Variants in PNPLA8 observed in about 807,000 individuals in gnomAD.
The protein encoded by PNPLA8 is patatin like domain 8, phospholipase A2.
PNPLA8 carries 39 observed loss-of-function variants against 76.9 expected under a neutral mutation model. That is an observed-to-expected ratio of 0.51 (90% confidence interval 0.39 to 0.66). The LOEUF (loss-of-function observed/expected upper bound fraction) is 0.66. Among genes scored for constraint, PNPLA8 ranks in the 30% least tolerant of loss-of-function variants. PNPLA8 has a pLI of 0.00. For synonymous variants in PNPLA8, 301 were observed against 307.9 expected (o/e 0.98, Z 0.24); for missense variants, 887 against 918.0 (o/e 0.97, Z 0.44).
intron 5 of PNPLA8, among the ~76,000 whole-genome samples, chr7:108,498,832 T>TA (rs971756797): frequency 3.9e-5 from 6 of 151,934 alleles, no homozygotes; most frequent in African/African-American, 7.3e-5. Context: ...AGTGGGAGAA[T>TA]AAAAAAACGA....
chr7:108,509,872 T>C (rs1477044692), intron 4 of PNPLA8, among the ~76,000 whole-genome samples: 4 of 145,130 alleles, frequency 2.8e-5, no homozygotes, highest in Admixed American at 6.9e-5. Context: ...TTCATGTCCT[T>C]TGTAGGGACA....
chr7:108,497,615 T>C (rs1041943179), intron 5 of PNPLA8, 38 bp from the exon 6 acceptor site: 2 of 1,231,196 alleles, frequency 1.6e-6, no homozygotes, highest in African/African-American at 3.1e-5. Context: ...CAATTCCTGT[T>C]TAAAGAAAAA....
At chr7:108,518,720 AATATATATATAT>A (rs148834592) in intron 2 of PNPLA8, among the ~76,000 whole-genome samples, 4,774 of 123,932 alleles carry the variant, frequency 0.039, 178 homozygotes, top group African/African-American at 0.076. Flanking sequence ...TATGCACATG[AATATATATATAT>A]ATATATATAT....
chr7:108,486,296 A>C (rs1268414582), intron 9 of PNPLA8, among the ~76,000 whole-genome samples: 1 of 152,134 alleles, frequency 6.6e-6, no homozygotes, highest in Non-Finnish European at 1.5e-5. Flanking sequence ...TAACTTAAAA[A>C]TTCTATTATA....
intron 7 of PNPLA8, among the ~76,000 whole-genome samples, chr7:108,495,003 T>C (rs1861453905): frequency 6.6e-6 from 1 of 152,166 alleles, no homozygotes; most frequent in Non-Finnish European, 1.5e-5. Flanking sequence ...GTGATACAAA[T>C]TGAAACATGA....
At chr7:108,483,127 T>C (rs896739425) in intron 9 of PNPLA8, among the ~76,000 whole-genome samples, 1 of 152,236 alleles carries the variant, frequency 6.6e-6, no homozygotes, top group East Asian at 1.9e-4. Flanking sequence ...CAAATAATAC[T>C]CTGGTTGGAT....
chr7:108,518,746 T>TAC (rs1563990129), intron 2 of PNPLA8, among the ~76,000 whole-genome samples: 2 of 65,582 alleles, frequency 3.0e-5, no homozygotes, highest in Non-Finnish European at 8.3e-5. Context: ...TATATATATA[T>TAC]ATATATATAT....
intron 7 of PNPLA8, among the ~76,000 whole-genome samples, chr7:108,494,998 A>G (rs1861453263): frequency 6.6e-6 from 1 of 152,238 alleles, no homozygotes; most frequent in Non-Finnish European, 1.5e-5. Context: ...TGAAAGTGAT[A>G]CAAATTGAAA....
intron 2 of PNPLA8, among the ~76,000 whole-genome samples, chr7:108,520,184 G>C (rs560124431): frequency 6.6e-6 from 1 of 152,130 alleles, no homozygotes; most frequent in African/African-American, 2.4e-5. Context: ...TCAGCAAACC[G>C]GCAGAGGTGG....
intron 4 of PNPLA8, among the ~76,000 whole-genome samples, chr7:108,512,300 A>G (rs950263342): frequency 6.6e-6 from 1 of 152,164 alleles, no homozygotes; most frequent in Non-Finnish European, 1.5e-5. Flanking sequence ...GGTAAAATAT[A>G]TTATTTTTAT....
chr7:108,505,330 ATATATATATATATATATATATATTTTT>A (rs1563967705), intron 4 of PNPLA8, among the ~76,000 whole-genome samples: 11 of 5,222 alleles, frequency 2.1e-3, no homozygotes, highest in African/African-American at 0.011. Context: ...ATATATATAT[ATATATATATATATATATATATATTTTT>A]TTTTTTTTTT....
chr7:108,479,040 C>T (rs187854892), intron 10 of PNPLA8, 144 bp downstream of exon 10: 52 of 587,710 alleles, frequency 8.8e-5, no homozygotes, highest in African/African-American at 8.6e-4. Context: ...GAAAGGAAAA[C>T]AACAAAATGT....
chr7:108,513,752 T>G (rs71568529), intron 4 of PNPLA8, among the ~76,000 whole-genome samples: 15,388 of 152,072 alleles, frequency 0.1, 812 homozygotes, highest in Non-Finnish European at 0.11. Context: ...TTTTTAGACT[T>G]TCAAATACGA....
chr7:108,524,635 G>T (rs1863956258), intron 1 of PNPLA8, among the ~76,000 whole-genome samples: 1 of 152,142 alleles, frequency 6.6e-6, no homozygotes, highest in Non-Finnish European at 1.5e-5. Context: ...GAGCAGCCTG[G>T]CCAACATGGG....
At chr7:108,515,996 T>C (rs1194215182) in intron 2 of PNPLA8, among the ~76,000 whole-genome samples, 1 of 152,224 alleles carries the variant, frequency 6.6e-6, no homozygotes, top group African/African-American at 2.4e-5. Context: ...AAACGATTTA[T>C]AGAATACTTA....
At chr7:108,518,611 T>C (rs1467200826) in intron 2 of PNPLA8, among the ~76,000 whole-genome samples, 1 of 151,608 alleles carries the variant, frequency 6.6e-6, no homozygotes, top group Non-Finnish European at 1.5e-5. Flanking sequence ...AGGGGGTATA[T>C]GGAAACGTCT....
intron 4 of PNPLA8, among the ~76,000 whole-genome samples, chr7:108,505,319 TATATATATATATATATATATATATATATA>T (rs2154516092): frequency 2.8e-4 from 1 of 3,620 alleles, no homozygotes; most frequent in South Asian, 0.013. Context: ...TATATATATA[TATATATATATATATATATATATATATATA>T]TATATTTTTT....
In PNPLA8 at chr7:108,471,771, T is replaced by C. The variant is rs1424223692; in HGVS notation, c.*630A>G. 1 of 152,210 alleles carries C rather than the reference T, an allele frequency of 6.6e-6. No homozygotes were observed. Among genetic ancestry groups the C allele is most frequent in the East Asian group, 1.9e-4 (1 of 5,206 alleles). The allele number at this position is 152,210 out of a possible 1,614,324, so 9.4% of individuals were successfully genotyped here. A position where few individuals can be genotyped will look rare whatever the true frequency, so the allele number is the denominator to read the frequency against. On this transcript the variant is annotated 3_prime_UTR_variant, in exon 11 of 11. Transcript: ENST00000257694. ...TGAAATTTCAGGGGTAAAAAGTGGT[T>C]GACTGGAACTTCACCTTTTTTAACC...
chr7:108,502,723 A>G lies in PNPLA8; in HGVS notation c.1207-81T>C, dbSNP rs111827537. ...ATGATTATTATTAACCAATACATGC[A>G]GTTCACCACATGACAACCAAGGTGA... On this transcript the variant is annotated intron_variant, in intron 4 of 10. Coordinates refer to ENST00000257694, the MANE Select transcript of PNPLA8 (RefSeq NM_001256007.3). The G allele has an allele frequency of 4.1e-4, 375 of 924,364 alleles. 1 individual carries two copies. In the African/African-American group the frequency reaches 4.1e-3, roughly 10 times the overall value. 57.3% of individuals were successfully genotyped at this position (924,364 alleles called of 1,614,324 possible). A position where few individuals can be genotyped will look rare whatever the true frequency, so the allele number is the denominator to read the frequency against.
Sources: gnomAD v4.1 joint callset for allele counts (sites outside exome capture counted in the v4.1 genomes callset) on GRCh38, gnomAD v4.1.1 for gene constraint, MANE v1.5 for transcripts, NCBI Gene and HGNC (gene_info 2026-07-23, HGNC 2026-07-21) for gene names.